Variants in GCA observed in about 807,000 individuals in gnomAD.
GCA encodes the protein grancalcin, also known as grancalcin, EF-hand calcium-binding protein.
GCA carries 30 observed loss-of-function variants against 32.6 expected under a neutral mutation model. The observed-to-expected ratio is 0.92, with a 90% confidence interval of 0.69 to 1.25. The LOEUF is 1.25. GCA is among the 50% of genes most tolerant of loss of function. GCA has a pLI of 0.00. For synonymous variants in GCA, 102 were observed against 84.6 expected, an observed-to-expected ratio of 1.21 and a Z score of -1.13; for missense variants, 291 against 266.8, an observed-to-expected ratio of 1.09 and a Z score of -0.63.
intron 3 of GCA, among the ~76,000 whole-genome samples, chr2:162,353,570 T>A (rs978632853): frequency 1.3e-5 from 2 of 152,236 alleles, no homozygotes; most frequent in Non-Finnish European, 2.9e-5. Flanking sequence ...TATAGAATTC[T>A]AGGTTACAAA....
At chr2:162,352,713 C>T (rs1685064651) in intron 3 of GCA, among the ~76,000 whole-genome samples, 1 of 152,056 alleles carries the variant, frequency 6.6e-6, no homozygotes, top group Non-Finnish European at 1.5e-5. Context: ...TTATGATTAT[C>T]TATTGATATC....
intron 1 of GCA, among the ~76,000 whole-genome samples, chr2:162,335,675 A>AT (rs1274270614): frequency 6.6e-6 from 1 of 152,300 alleles, no homozygotes; most frequent in East Asian, 1.9e-4. Flanking sequence ...ATTGAGTTGG[A>AT]TTTTCTGTCA....
chr2:162,327,897 G>T (rs776861045), intron 1 of GCA, among the ~76,000 whole-genome samples: 1 of 152,222 alleles, frequency 6.6e-6, no homozygotes, highest in Non-Finnish European at 1.5e-5. Context: ...GACAACAGAG[G>T]CTTGCTGGGC....
At chr2:162,366,495 C>A (rs1296324745), downstream of GCA, among the ~76,000 whole-genome samples, 2 of 151,806 alleles carry the variant, frequency 1.3e-5, no homozygotes, top group Non-Finnish European at 2.9e-5. Flanking sequence ...ATTAATAATT[C>A]ATGTCTTTCT....
chr2:162,356,953 T>G (rs755037495), intron 5 of GCA, 48 bp downstream of exon 5: 2 of 1,299,400 alleles, frequency 1.5e-6, no homozygotes, highest in East Asian at 4.7e-5. Context: ...ATCTTTGTTC[T>G]TTGATTAGAT....
chr2:162,350,839 T>C (rs1684956689), intron 2 of GCA, among the ~76,000 whole-genome samples: 1 of 152,222 alleles, frequency 6.6e-6, no homozygotes, highest in Non-Finnish European at 1.5e-5. Flanking sequence ...AAACATTTGA[T>C]AAATGTTTCG....
At chr2:162,357,924 G>A (rs1685367023) in intron 5 of GCA, among the ~76,000 whole-genome samples, 1 of 151,592 alleles carries the variant, frequency 6.6e-6, no homozygotes, top group African/African-American at 2.4e-5. Context: ...AATACTATGG[G>A]AAAATCTAGG....
downstream of GCA, among the ~76,000 whole-genome samples, chr2:162,363,221 A>C (rs529258426): frequency 6.6e-6 from 1 of 151,552 alleles, no homozygotes; most frequent in South Asian, 2.1e-4. Flanking sequence ...AAATTTGTTA[A>C]TATCTGGTGA....
intron 4 of GCA, chr2:162,371,182 T>C: frequency 2.7e-6 from 1 of 364,694 alleles, no homozygotes; most frequent in South Asian, 2.2e-5. Context: ...TAAATGCAAT[T>C]GGTGACATAA....
intron 5 of GCA, among the ~76,000 whole-genome samples, chr2:162,357,739 A>G (rs953624236): frequency 6.6e-6 from 1 of 151,650 alleles, no homozygotes; most frequent in African/African-American, 2.4e-5. Flanking sequence ...TTAATACCTA[A>G]TGGATTAAAC....
chr2:162,360,156 A>T, intron 7 of GCA, 61 bp from the exon 8 acceptor site: 1 of 985,910 alleles, frequency 1.0e-6, no homozygotes, highest in Non-Finnish European at 1.5e-6. Flanking sequence ...GAATATAATT[A>T]GTCAAAAATA....
intron 3 of GCA, among the ~76,000 whole-genome samples, chr2:162,355,294 A>C (rs1487324284): frequency 6.6e-6 from 1 of 152,146 alleles, no homozygotes; most frequent in East Asian, 1.9e-4. Flanking sequence ...TGTCAATTTG[A>C]AAATACTACA....
chr2:162,325,250 T>G (rs2105259074), intron 1 of GCA, among the ~76,000 whole-genome samples: 1 of 152,282 alleles, frequency 6.6e-6, no homozygotes, highest in East Asian at 1.9e-4. Context: ...ATTCTGGGGT[T>G]TGTGAGCTTG....
chr2:162,354,079 T>C (rs1360428262), intron 3 of GCA, among the ~76,000 whole-genome samples: 1 of 152,222 alleles, frequency 6.6e-6, no homozygotes, highest in Non-Finnish European at 1.5e-5. Context: ...TCTTCCTATA[T>C]AACCTTTGTT....
intron 1 of GCA, among the ~76,000 whole-genome samples, chr2:162,331,339 A>G (rs1457842408): frequency 1.3e-5 from 2 of 152,214 alleles, no homozygotes; most frequent in Non-Finnish European, 2.9e-5. Context: ...TAGGGGTTAC[A>G]AATAAGTATC....
intron 1 of GCA, among the ~76,000 whole-genome samples, chr2:162,335,919 G>A (rs894876973): frequency 6.6e-6 from 1 of 152,098 alleles, no homozygotes; most frequent in Non-Finnish European, 1.5e-5. Flanking sequence ...ATGTGTGTGT[G>A]AATTAATGAA....
chr2:162,336,117 T>TCC (rs1684263948), intron 1 of GCA, among the ~76,000 whole-genome samples: 1 of 152,228 alleles, frequency 6.6e-6, no homozygotes, highest in East Asian at 1.9e-4. Context: ...TGATTTTTTT[T>TCC]TGTTATTGTA....
intron 2 of GCA, among the ~76,000 whole-genome samples, chr2:162,348,304 T>C (rs1684812309): frequency 6.6e-6 from 1 of 152,134 alleles, no homozygotes; most frequent in Non-Finnish European, 1.5e-5. Flanking sequence ...TATTTCTAAC[T>C]TGGGCCTCAC....
chr2:162,347,580 T>C lies in GCA; in HGVS notation c.30T>C (p.Phe10=), dbSNP rs1301398142. The C allele has an allele frequency of 2.5e-6, 4 of 1,600,620 alleles. No homozygotes were observed. Among genetic ancestry groups the C allele is most frequent in the Non-Finnish European group, 3.4e-6 (4 of 1,170,772 alleles). The change falls in exon 2 of 8, where the codon TTT becomes TTC. Residue 10 remains phenylalanine (F), a splice_region_variant and synonymous_variant. Transcript: ENST00000437150. ...CTTCTCCCCTTTCACTATTATAGTT[T>C]GGAAATTTTAGCATTCAGGTGCCAG... is the stretch of plus-strand genomic sequence containing the variant. MAYPGYGGG[F]GNFSIQVPGM...
Sources: allele counts gnomAD v4.1 joint callset (sites outside exome capture counted in the v4.1 genomes callset), GRCh38; gene constraint gnomAD v4.1.1; transcripts MANE v1.5; gene names NCBI Gene and HGNC (gene_info 2026-07-23, HGNC 2026-07-21).